The following KCNJ15 variants were observed in gnomAD, a reference collection of about 807,000 sequenced individuals.
KCNJ15 encodes the protein ATP-sensitive inward rectifier potassium channel 15.
Under a neutral mutation model 23.0 loss-of-function variants are expected in KCNJ15, and 14 were observed. The observed-to-expected ratio is 0.61, with a 90% CI of 0.40 to 0.95. KCNJ15 has a LOEUF of 0.95. KCNJ15 is among the 40% of genes least tolerant of loss of function. The pLI is 0.00. For missense variants in KCNJ15, 388 were observed against 461.8 expected, an observed-to-expected ratio of 0.84 and a Z score of 1.46; for synonymous variants, 185 against 183.2, an observed-to-expected ratio of 1.01 and a Z score of -0.08.
chr21:38,299,980 A>G lies in KCNJ15; in HGVS notation c.719A>G (p.Asp240Gly). 4 of 1,613,452 alleles carry G rather than the reference A, an allele frequency of 2.5e-6. No homozygotes were observed. In the African/African-American group the frequency reaches 5.3e-5, roughly 22 times the overall value. The change falls in exon 3 of 3, where the codon GAC (aspartate) becomes GGC (glycine). Residue 240 changes from aspartate to glycine, a missense_variant. Transcript: ENST00000398938. This position sits in a 1 kb window ranked among gnomAD's most constrained non-coding sequence, Gnocchi z 4.5. ...LNQATVKFHV[D>G]SSSESPFLIL... Reference sequence around the variant, plus strand: ...CAAGCCACTGTCAAATTCCACGTGGACTCCTCCTCTGAGAGCCCCTTCCTC... The same window carrying G: ...CAAGCCACTGTCAAATTCCACGTGGGCTCCTCCTCTGAGAGCCCCTTCCTC...
chr21:38,239,445 G>A (rs181586683), intron 1 of KCNJ15, among the ~76,000 whole-genome samples: 2 of 152,158 alleles, frequency 1.3e-5, no homozygotes, highest in South Asian at 2.1e-4. Context: ...GTTCTGCGAA[G>A]CCTCTTCTGG....
At chr21:38,283,611 T>C (rs115154511) in intron 1 of KCNJ15, among the ~76,000 whole-genome samples, 2,500 of 152,334 alleles carry the variant, frequency 0.016, 81 homozygotes, top group African/African-American at 0.058. Flanking sequence ...AACACTCTTG[T>C]ACATTATCCT....
upstream of KCNJ15, chr21:38,256,871 C>T (rs13433506): frequency 0.15 from 21,939 of 151,252 alleles, 2,128 homozygotes; most frequent in East Asian, 0.41. Flanking sequence ...TCTCTTTCTC[C>T]CCCACTCTCT....
intron 1 of KCNJ15, among the ~76,000 whole-genome samples, chr21:38,237,901 G>A (rs1229465487): frequency 6.6e-6 from 1 of 152,078 alleles, no homozygotes; most frequent in Non-Finnish European, 1.5e-5. Context: ...CCATCGCAAT[G>A]GTATGTCCTT....
intron 1 of KCNJ15, among the ~76,000 whole-genome samples, chr21:38,290,039 G>T (rs1984422250): frequency 6.6e-6 from 1 of 152,204 alleles, no homozygotes; most frequent in African/African-American, 2.4e-5. Flanking sequence ...TTCAGCGGAG[G>T]TTGGTCACTC....
At chr21:38,244,656 A>G (rs1488415286) in intron 1 of KCNJ15, among the ~76,000 whole-genome samples, 1 of 152,012 alleles carries the variant, frequency 6.6e-6, no homozygotes, top group East Asian at 1.9e-4. Flanking sequence ...GCAAGTCCTA[A>G]CCATGCCAAA....
chr21:38,245,593 GAGAA>G (rs910718355), intron 1 of KCNJ15, among the ~76,000 whole-genome samples: 17 of 149,472 alleles, frequency 1.1e-4, no homozygotes, highest in South Asian at 8.4e-4. Flanking sequence ...AAGAGAGAGA[GAGAA>G]AGAAAGAAAG....
Position 38,275,152 on chromosome 21 carries a change from C to T in KCNJ15, c.-117+17967C>T, listed in dbSNP as rs1810462398. Among the ~76,000 whole-genome samples, 3 of 152,106 alleles carry T rather than the reference C, an allele frequency of 2.0e-5. No homozygotes were observed. In the South Asian group the frequency reaches 6.2e-4, roughly 32 times the overall value. ...CAGGTGTGTGAATTTTACCTGGTGG[C>T]AAACCAACGTGGTGATTCTCTTGAA... is the stretch of plus-strand genomic sequence containing the variant. On this transcript the variant is annotated intron_variant, in intron 1 of 2. Coordinates refer to ENST00000398938, the MANE Select transcript of KCNJ15 (RefSeq NM_170736.3).
intron 1 of KCNJ15, among the ~76,000 whole-genome samples, chr21:38,257,590 G>A (rs1333768630): frequency 1.3e-5 from 2 of 152,170 alleles, no homozygotes; most frequent in Non-Finnish European, 2.9e-5. Flanking sequence ...TTGTCAATGG[G>A]GAAATCAGTT....
chr21:38,286,288 C>T (rs1030743210), intron 1 of KCNJ15, among the ~76,000 whole-genome samples: 3 of 152,036 alleles, frequency 2.0e-5, no homozygotes, highest in Non-Finnish European at 4.4e-5. Context: ...CAAAAATCCA[C>T]CTTCCTACTT....
rs1985846011 is a variant in KCNJ15, at chr21:38,302,145, T to TTAA, written c.*1757_*1759dup. The TTAA allele has an allele frequency of 6.6e-6, 1 of 152,238 alleles. No homozygotes were observed. The highest frequency in any genetic ancestry group is 1.5e-5 in the Non-Finnish European group (1 of 68,050). The allele number at this position is 152,238 out of a possible 1,614,324, so 9.4% of individuals were successfully genotyped here. ...AGTCATCAGTGAAAGACATTTGAGG[T>TTAA]TAAGACAGCAAGTCCTTGACAAATA... On this transcript the variant is annotated 3_prime_UTR_variant, in exon 3 of 3. Coordinates refer to ENST00000398938, the MANE Select transcript of KCNJ15 (RefSeq NM_170736.3).
rs1037600146 is a variant in KCNJ15, at chr21:38,304,207, G to A, written c.*3818G>A. ...GTTGGTGTGCTGCACCCATTAACTC[G>A]TCATTTAGCATTAGGTATATCTCCT... On this transcript the variant is annotated 3_prime_UTR_variant, in exon 3 of 3. Transcript: ENST00000398938. 18 of 149,932 alleles carry A rather than the reference G, an allele frequency of 1.2e-4. No homozygotes were observed. The highest frequency in any genetic ancestry group is 4.4e-4 in the African/African-American group (18 of 40,598). 9.3% of individuals were successfully genotyped at this position (149,932 alleles called of 1,614,324 possible).
At position 38,299,928 on chromosome 21, in the gene KCNJ15, A is replaced by G. The variant is rs1985590215; in HGVS notation, c.667A>G (p.Lys223Glu). The G allele has an allele frequency of 3.1e-6, 5 of 1,614,026 alleles. No homozygotes were observed. The highest frequency in any genetic ancestry group is 4.5e-5 in the East Asian group (2 of 44,878). The change falls in exon 3 of 3, where the codon AAG becomes GAG. Residue 223 changes from lysine (K) to glutamate (E), a missense_variant. Physicochemically the swap from Lys to Glu is moderately conservative, Grantham distance 56. Transcript: ENST00000398938. The surrounding 1 kb of genome is among the most constrained non-coding windows in gnomAD (Gnocchi z 4.5). ...SGKLLQTHVT[K>E]EGERILLNQA... The stretch of plus-strand genomic sequence containing the variant: ...CAAGCTCCTGCAGACCCACGTCACC[A>G]AGGAGGGGGAGCGGATTCTCCTCAA...
chr21:38,274,583 T>C (rs1184113887), intron 1 of KCNJ15, among the ~76,000 whole-genome samples: 2 of 152,216 alleles, frequency 1.3e-5, no homozygotes. Flanking sequence ...GGTAAATACA[T>C]GTGCAATAAA....
At chr21:38,254,836 T>C (rs1376959712), upstream of KCNJ15, among the ~76,000 whole-genome samples, 4 of 152,164 alleles carry the variant, frequency 2.6e-5, no homozygotes, top group South Asian at 6.2e-4. Context: ...GTTTTACAAA[T>C]TGAAAAAAAG....
chr21:38,298,864 T>C lies in KCNJ15; in HGVS notation c.-18-380T>C, dbSNP rs150746505. On this transcript the variant is annotated intron_variant, in intron 2 of 2. Coordinates refer to ENST00000398938, the MANE Select transcript of KCNJ15 (RefSeq NM_170736.3). ...GAGTTTGTTATCACAAAAAACAGCA[T>C]AACATTATTTTTTTGAAACACAAGG... Among the ~76,000 whole-genome samples, 494 of 152,294 alleles carry C rather than the reference T, an allele frequency of 3.2e-3. 7 individuals carry two copies. Among genetic ancestry groups the C allele is most frequent in the African/African-American group, 0.011 (469 of 41,570 alleles).
intron 1 of KCNJ15, among the ~76,000 whole-genome samples, chr21:38,242,659 C>G (rs1979091628): frequency 6.6e-6 from 1 of 152,170 alleles, no homozygotes; most frequent in Non-Finnish European, 1.5e-5. Flanking sequence ...GAGGCCTTCC[C>G]TGCTAAAGCT....
intron 1 of KCNJ15, 69 bp from the exon 2 acceptor site, chr21:38,296,857 T>C (rs1002895783): frequency 1.3e-5 from 2 of 152,690 alleles, no homozygotes; most frequent in Admixed American, 1.3e-4. Context: ...TAGAAAATCA[T>C]CGGGGGTCAG....
intron 1 of KCNJ15, among the ~76,000 whole-genome samples, chr21:38,251,349 G>T (rs1979819042): frequency 6.6e-6 from 1 of 152,172 alleles, no homozygotes; most frequent in South Asian, 2.1e-4. Context: ...AAGGAATAAA[G>T]TTCAATTTGA....
Sources: allele counts gnomAD v4.1 joint callset (sites outside exome capture counted in the v4.1 genomes callset), GRCh38; gene constraint gnomAD v4.1.1; non-coding constraint Gnocchi (gnomAD v3.1); transcripts MANE v1.5; gene names NCBI Gene and HGNC (gene_info 2026-07-23, HGNC 2026-07-21).